ABLIM1: variants seen among roughly 807,000 people sequenced by gnomAD.
ABLIM1 encodes the protein actin binding LIM protein 1.
ABLIM1 carries 40 observed loss-of-function variants against 107.0 expected under a neutral mutation model. The observed-to-expected ratio is 0.37, with a 90% confidence interval of 0.29 to 0.49. ABLIM1 has a LOEUF of 0.49. Ranked by LOEUF, ABLIM1 falls within the 20% of genes least tolerant of loss-of-function variation. The pLI, the probability that ABLIM1 is intolerant of heterozygous loss-of-function variation, is 0.97. For synonymous variants in ABLIM1, 357 were observed against 357.3 expected, an observed-to-expected ratio of 1.00 and a Z score of 0.01; for missense variants, 857 against 1,008.5, an observed-to-expected ratio of 0.85 and a Z score of 2.04.
At chr10:114,611,417 G>C (rs898760112) in intron 1 of ABLIM1, among the ~76,000 whole-genome samples, 4 of 151,556 alleles carry the variant, frequency 2.6e-5, no homozygotes, top group African/African-American at 9.7e-5. Context: ...AGGTTGCTGA[G>C]CTGAGATCAC....
intron 1 of ABLIM1, among the ~76,000 whole-genome samples, chr10:114,653,930 A>G (rs1160731239): frequency 6.6e-6 from 1 of 152,244 alleles, no homozygotes; most frequent in Non-Finnish European, 1.5e-5. Context: ...AAGGACACAT[A>G]TGCATGGGGA....
At chr10:114,682,519 C>A (rs2080790741) in intron 1 of ABLIM1, among the ~76,000 whole-genome samples, 1 of 152,164 alleles carries the variant, frequency 6.6e-6, no homozygotes, top group South Asian at 2.1e-4. Flanking sequence ...TGCCCATATT[C>A]CCTATAGAGA....
chr10:114,787,467 G>A, the ABLIM1 span, among the ~76,000 whole-genome samples: 1 of 148,016 alleles, frequency 6.8e-6, no homozygotes, highest in African/African-American at 2.5e-5. Flanking sequence ...CCTCTGCCCA[G>A]CCGCCCCTAC....
Position 114,453,363 on chromosome 10 carries a change from C to T in ABLIM1, c.1546+16G>A. On this transcript the variant is annotated intron_variant, in intron 13 of 22. Coordinates refer to ENST00000533213, the MANE Select transcript of ABLIM1 (RefSeq NM_002313.7). ...CTGTGACAGGACACCAAGACACAGA[C>T]TGTGTCAGCTCCTACCTGGAACATG... 6.2e-7 allele frequency: 1 copy of T among 1,613,004 alleles called. No homozygotes were observed. Among genetic ancestry groups the T allele is most frequent in the Non-Finnish European group, 8.5e-7 (1 of 1,179,040 alleles).
chr10:114,559,753 C>T (rs991414701), intron 4 of ABLIM1, among the ~76,000 whole-genome samples: 3 of 152,210 alleles, frequency 2.0e-5, no homozygotes, highest in Non-Finnish European at 4.4e-5. Context: ...AGTAACATGG[C>T]TGAAGCTTGA....
chr10:114,530,695 G>A (rs181784742), intron 6 of ABLIM1, among the ~76,000 whole-genome samples: 34 of 152,108 alleles, frequency 2.2e-4, no homozygotes, highest in African/African-American at 6.3e-4. Context: ...CACCATAGCC[G>A]GCTAACTTTT....
At chr10:114,575,378 G>A (rs1432620097) in intron 3 of ABLIM1, 38 bp downstream of exon 3, 1 of 1,600,026 alleles carries the variant, frequency 6.2e-7, no homozygotes. Flanking sequence ...TTCTCTGTTG[G>A]AGGAAGGTGT....
rs1039259644 is a variant in ABLIM1 at position 114,431,817 on chromosome 10, A to G, written c.*4443T>C. ...GTTTAATTTTGCTGTGTACCTATACATTGTTTAGAAAGTTTCTTTTGGCTT... is the reference window on the plus strand; with the variant it reads ...GTTTAATTTTGCTGTGTACCTATACGTTGTTTAGAAAGTTTCTTTTGGCTT... On this transcript the variant is annotated 3_prime_UTR_variant, in exon 23 of 23. Transcript: ENST00000533213. The G allele has an allele frequency of 3.3e-5, 5 of 152,210 alleles. No homozygotes were observed. In the East Asian group the frequency reaches 9.6e-4, roughly 29 times the overall value. 9.4% of individuals were successfully genotyped at this position (152,210 alleles called of 1,614,324 possible).
chr10:114,655,750 T>A (rs993580731), intron 1 of ABLIM1, among the ~76,000 whole-genome samples: 1 of 152,164 alleles, frequency 6.6e-6, no homozygotes, highest in Non-Finnish European at 1.5e-5. Flanking sequence ...AAGGCATGGC[T>A]TCTTCATCCC....
chr10:114,653,457 T>A (rs2079347736), intron 1 of ABLIM1, among the ~76,000 whole-genome samples: 2 of 152,082 alleles, frequency 1.3e-5, no homozygotes, highest in Admixed American at 1.3e-4. Context: ...GGCAAGAAGA[T>A]CACTTGAGCT....
chr10:114,629,461 C>T lies in ABLIM1; in HGVS notation c.245-27500G>A, dbSNP rs940832418. ...GAAGGCACAGGTTCCTGTTCCTGCT[C>T]TGACAACGGGCCAACCTGTTTTGGT... On this transcript the variant is annotated intron_variant, in intron 1 of 22. Coordinates refer to ENST00000533213, the MANE Select transcript of ABLIM1 (RefSeq NM_002313.7). This position sits in a 1 kb window ranked among gnomAD's most constrained non-coding sequence, Gnocchi z 4.0. Among the ~76,000 whole-genome samples the T allele has an allele frequency of 1.3e-5, 2 of 152,224 alleles. No individual in the cohort carries two copies. Among genetic ancestry groups the T allele is most frequent in the Non-Finnish European group, 2.9e-5 (2 of 68,036 alleles).
chr10:114,620,989 A>G (rs952089260), intron 1 of ABLIM1, among the ~76,000 whole-genome samples: 2 of 152,004 alleles, frequency 1.3e-5, no homozygotes, highest in Admixed American at 1.3e-4. Context: ...CCTTAGCTCA[A>G]TGTGACCCAC....
At chr10:114,765,392 T>C (rs569587447) in intron 1 of ABLIM1, among the ~76,000 whole-genome samples, 15 of 152,150 alleles carry the variant, frequency 9.9e-5, no homozygotes, top group African/African-American at 3.6e-4. Context: ...ATTCCTACCA[T>C]AATCTACAAG....
In ABLIM1 at chr10:114,565,109, A is replaced by G. The variant is rs118036319; in HGVS notation, c.673+6188T>C. ...AGAACCAGCCAACAACTTGTCCAGA[A>G]CCCCTACTCTTCAGCAGTTCCCTGC... On this transcript the variant is annotated intron_variant, in intron 4 of 22. Transcript: ENST00000533213. Among the ~76,000 whole-genome samples the G allele has an allele frequency of 9.5e-3, 1,440 of 152,226 alleles. 14 individuals are homozygous for G. The highest frequency in any genetic ancestry group is 0.015 in the Non-Finnish European group (989 of 67,998).
rs1259401748 is a variant in ABLIM1, at chr10:114,619,359, G to T, written c.245-17398C>A. On this transcript the variant is annotated intron_variant, in intron 1 of 22. Coordinates refer to ENST00000533213, the MANE Select transcript of ABLIM1 (RefSeq NM_002313.7). The surrounding 1 kb of genome is among the most constrained non-coding windows in gnomAD (Gnocchi z 4.1). ...TTACAGGCATGCACCACCATGCCTG[G>T]CTAATTTTTTTATTTTTAGTAGAGA... 6.6e-6 allele frequency among the ~76,000 whole-genome samples: 1 copy of T among 151,860 alleles called. No homozygotes were observed. Among genetic ancestry groups the T allele is most frequent in the African/African-American group, 2.4e-5 (1 of 41,342 alleles).
intron 2 of ABLIM1, among the ~76,000 whole-genome samples, chr10:114,591,576 G>GATTAA (rs1480060766): frequency 2.0e-5 from 3 of 152,076 alleles, no homozygotes; most frequent in Non-Finnish European, 4.4e-5. Context: ...GGATTAAAGA[G>GATTAA]AGAATACTTT....
intron 2 of ABLIM1, among the ~76,000 whole-genome samples, chr10:114,599,093 G>A (rs1315651247): frequency 6.6e-6 from 1 of 152,166 alleles, no homozygotes; most frequent in African/African-American, 2.4e-5. Flanking sequence ...ATTCCAGAAT[G>A]TTGGGACACA....
chr10:114,626,708 C>G (rs1221619521), intron 1 of ABLIM1, among the ~76,000 whole-genome samples: 1 of 152,190 alleles, frequency 6.6e-6, no homozygotes, highest in Non-Finnish European at 1.5e-5. Flanking sequence ...CCAAACTCAT[C>G]TATTGAAGTC....
chr10:114,439,361 T>C, intron 20 of ABLIM1, 111 bp from the exon 21 acceptor site: 1 of 1,046,066 alleles, frequency 9.6e-7, no homozygotes. Flanking sequence ...ACCACTATTT[T>C]ATTTGTGTCA....
Sources: gnomAD v4.1 joint callset for allele counts (sites outside exome capture counted in the v4.1 genomes callset) on GRCh38, gnomAD v4.1.1 for gene constraint, Gnocchi (gnomAD v3.1) non-coding constraint, MANE v1.5 for transcripts, NCBI Gene and HGNC (gene_info 2026-07-23, HGNC 2026-07-21) for gene names.